OR10H5: variants seen among roughly 807,000 people sequenced by gnomAD.
The protein encoded by OR10H5 is olfactory receptor 10H5.
In OR10H5, 7 loss-of-function variants were observed where a neutral mutation model predicts 12.2. The observed-to-expected ratio is 0.57, with a 90% confidence interval of 0.33 to 1.07. The LOEUF is 1.07. OR10H5 is among the 50% of genes least tolerant of loss of function. OR10H5 has a pLI of 0.04. For synonymous variants in OR10H5, 159 were observed against 175.1 expected (o/e 0.91, Z 0.73); for missense variants, 346 against 411.6 (o/e 0.84, Z 1.38).
chr19:15,794,248 C>G lies in OR10H5; in HGVS notation c.200C>G (p.Ser67Cys). 6.2e-7 allele frequency: 1 copy of G among 1,614,116 alleles called. No individual in the cohort carries two copies. The change falls in exon 2 of 2, where the codon TCC (serine) becomes TGC (cysteine). Residue 67 changes from serine (S) to cysteine (C), a missense_variant. Ser to Cys is a moderately radical substitution (Grantham distance 112). Coordinates refer to ENST00000642092, the MANE Select transcript of OR10H5 (RefSeq NM_001004466.2). ...ATGTACCTCTTCCTGTGTGCCCTCTCCATCACCGAGATCCTCTACACCGTG... is the reference window on the plus strand; with the variant it reads ...ATGTACCTCTTCCTGTGTGCCCTCTGCATCACCGAGATCCTCTACACCGTG... ...MPMYLFLCAL[S>C]ITEILYTVAI...
chr19:15,794,164 T>C lies in OR10H5; in HGVS notation c.116T>C (p.Leu39Pro). 1 of 1,614,178 alleles carries C rather than the reference T, an allele frequency of 6.2e-7. No individual in the cohort carries two copies. Among genetic ancestry groups the C allele is most frequent in the South Asian group, 1.1e-5 (1 of 91,080 alleles). The change falls in exon 2 of 2, where the codon CTG (leucine) becomes CCG (proline). Residue 39 changes from leucine to proline, a missense_variant. Coordinates refer to ENST00000642092, the MANE Select transcript of OR10H5 (RefSeq NM_001004466.2). ...TTCCTGCTGATGTACCTGTTCACGC[T>C]GCTGGGCAACCTGCTCATCATGGCC... ...LLFLLMYLFTLLGNLLIMATV... is the reference protein window; with the variant it reads ...LLFLLMYLFTPLGNLLIMATV...
At chr19:15,791,945 A>G (rs1335344671) in intron 1 of OR10H5, among the ~76,000 whole-genome samples, 1 of 151,992 alleles carries the variant, frequency 6.6e-6, no homozygotes, top group East Asian at 1.9e-4. Context: ...TGCCCGTCTC[A>G]GCCTCCCAAA....
At position 15,796,546 on chromosome 19, in the gene OR10H5, G is replaced by A. The variant is rs1568450163; in HGVS notation, c.*1550G>A. ...GTGACAGGAGGATCACTGGAGTCCA[G>A]GAGTTCAAGACCAGCCTGGGCAACA... On this transcript the variant is annotated 3_prime_UTR_variant, in exon 2 of 2. Transcript: ENST00000642092. 6.6e-6 allele frequency: 1 copy of A among 152,282 alleles called. No individual in the cohort carries two copies. Among genetic ancestry groups the A allele is most frequent in the African/African-American group, 2.4e-5 (1 of 41,542 alleles). The allele number at this position is 152,282 out of a possible 1,614,324, so 9.4% of individuals were successfully genotyped here.
intron 1 of OR10H5, among the ~76,000 whole-genome samples, chr19:15,788,186 G>A (rs1370037678): frequency 6.6e-6 from 1 of 152,146 alleles, no homozygotes; most frequent in African/African-American, 2.4e-5. Context: ...TATTGTAGCT[G>A]CCATTTCAAA....
intron 1 of OR10H5, 94 bp from the exon 2 acceptor site, chr19:15,793,944 A>G: frequency 5.7e-6 from 6 of 1,057,788 alleles, no homozygotes; most frequent in Non-Finnish European, 8.3e-6. Context: ...TGGACAGATG[A>G]AGAAGGCGCT....
intron 1 of OR10H5, among the ~76,000 whole-genome samples, chr19:15,791,564 CA>C: frequency 6.6e-6 from 1 of 152,146 alleles, no homozygotes; most frequent in Middle Eastern, 3.4e-3. Context: ...ATATGAACAA[CA>C]GGGGTGATCT....
At chr19:15,791,079 C>T (rs1489570456) in intron 1 of OR10H5, among the ~76,000 whole-genome samples, 1 of 152,150 alleles carries the variant, frequency 6.6e-6, no homozygotes, top group Non-Finnish European at 1.5e-5. Context: ...GGGATGGTGA[C>T]TCACGCCTGT....
At position 15,799,572 on chromosome 19, in the gene OR10H5, A is replaced by C. The variant is rs773513916; in HGVS notation, c.*4576A>C. The C allele has an allele frequency of 5.9e-5, 9 of 152,174 alleles. No homozygotes were observed. The highest frequency in any genetic ancestry group is 1.2e-4 in the Non-Finnish European group (8 of 68,032). 9.4% of individuals were successfully genotyped at this position (152,174 alleles called of 1,614,324 possible). On this transcript the variant is annotated 3_prime_UTR_variant, in exon 2 of 2. Coordinates refer to ENST00000642092, the MANE Select transcript of OR10H5 (RefSeq NM_001004466.2). ...TGTTTTCTCTGTGTTAGTATCTCACACACAATTCCACTCCAAATACATCCC... is the reference window on the plus strand; with the variant it reads ...TGTTTTCTCTGTGTTAGTATCTCACCCACAATTCCACTCCAAATACATCCC...
Position 15,794,081 on chromosome 19 carries a change from A to G in OR10H5, c.33A>G (p.Glu11=), listed in dbSNP as rs142998354. Residue 11 remains glutamate (E), a synonymous_variant, in exon 2 of 2, where the codon GAA becomes GAG. Coordinates refer to ENST00000642092, the MANE Select transcript of OR10H5 (RefSeq NM_001004466.2). Reference sequence around the variant, plus strand: ...GGCTAAACCACACCTCCGTGTCTGAATTCATCCTCGTTGGCTTCTCTGCCT... The same window carrying G: ...GGCTAAACCACACCTCCGTGTCTGAGTTCATCCTCGTTGGCTTCTCTGCCT... MQGLNHTSVS[E]FILVGFSAFP... 6.2e-7 allele frequency: 1 copy of G among 1,613,730 alleles called. No homozygotes were observed. The highest frequency in any genetic ancestry group is 1.3e-5 in the African/African-American group (1 of 74,938).
At chr19:15,792,186 G>A (rs2088812553) in intron 1 of OR10H5, among the ~76,000 whole-genome samples, 1 of 151,864 alleles carries the variant, frequency 6.6e-6, no homozygotes, top group South Asian at 2.1e-4. Context: ...TCATTTAGTT[G>A]TTATTTCTAT....
At position 15,794,895 on chromosome 19, in the gene OR10H5, A is replaced by C. The variant is rs780357002; in HGVS notation, c.847A>C (p.Thr283Pro). ...TLMGITYTVL[T>P]PFLSPIIFSL... ...GATGGGCATCACCTACACGGTCCTCACACCCTTCCTCAGCCCCATCATCTT... is the reference window on the plus strand; with the variant it reads ...GATGGGCATCACCTACACGGTCCTCCCACCCTTCCTCAGCCCCATCATCTT... Residue 283 changes from threonine (T) to proline (P), a missense_variant, in exon 2 of 2, where the codon ACA becomes CCA. By Grantham distance (38) the Thr-to-Pro change is conservative (BLOSUM62 -1). Transcript: ENST00000642092. 6.2e-7 allele frequency: 1 copy of C among 1,614,032 alleles called. No individual in the cohort carries two copies. The highest frequency in any genetic ancestry group is 8.5e-7 in the Non-Finnish European group (1 of 1,180,004).
chr19:15,791,239 G>A (rs1225509724), intron 1 of OR10H5, among the ~76,000 whole-genome samples: 4 of 152,024 alleles, frequency 2.6e-5, no homozygotes, highest in African/African-American at 7.2e-5. Context: ...CGAGCTACTC[G>A]GGAGGCTGAG....
rs898056016 is a variant in OR10H5, at chr19:15,795,200, TCCTC to T, written c.*219_*222del. ...CTCCTCCTTGCCTTCCTTCCATCCT[TCCTC>T]CCTCCCTCCCTCCCCCTTCCTTCTT... On this transcript the variant is annotated 3_prime_UTR_variant, in exon 2 of 2. Transcript: ENST00000642092. The T allele has an allele frequency of 2.1e-4, 109 of 513,642 alleles. No homozygotes were observed. The highest frequency in any genetic ancestry group is 7.0e-4 in the Admixed American group (19 of 27,332). The allele number at this position is 513,642 out of a possible 1,614,324, so 31.8% of individuals were successfully genotyped here.
intron 1 of OR10H5, among the ~76,000 whole-genome samples, chr19:15,791,288 G>A (rs1441079959): frequency 6.6e-6 from 1 of 152,176 alleles, no homozygotes; most frequent in African/African-American, 2.4e-5. Flanking sequence ...AGAGGTTGCA[G>A]TGAGCCGAGA....
rs2088840636 is a variant in OR10H5, at chr19:15,796,512, G to A, written c.*1516G>A. The stretch of plus-strand genomic sequence containing the variant: ...CCTCACACCTGTAATTCCAAAATTT[G>A]GGGAGGCCGTGACAGGAGGATCACT... On this transcript the variant is annotated 3_prime_UTR_variant, in exon 2 of 2. Transcript: ENST00000642092. The A allele has an allele frequency of 6.6e-6, 1 of 152,122 alleles. No individual in the cohort carries two copies. The highest frequency in any genetic ancestry group is 6.6e-5 in the Admixed American group (1 of 15,266). 9.4% of individuals were successfully genotyped at this position (152,122 alleles called of 1,614,324 possible).
chr19:15,796,981 C>G lies in OR10H5; in HGVS notation c.*1985C>G, dbSNP rs938140744. ...TCTACTAAAAATACAAAAAATTACCCGGGCGTGGTGGCACATGCCTGTAAT... is the reference window on the plus strand; with the variant it reads ...TCTACTAAAAATACAAAAAATTACCGGGGCGTGGTGGCACATGCCTGTAAT... On this transcript the variant is annotated 3_prime_UTR_variant, in exon 2 of 2. Transcript: ENST00000642092. The G allele has an allele frequency of 6.6e-6, 1 of 151,870 alleles. No individual in the cohort carries two copies. The highest frequency in any genetic ancestry group is 1.5e-5 in the Non-Finnish European group (1 of 68,048). 9.4% of individuals were successfully genotyped at this position (151,870 alleles called of 1,614,324 possible). A position where few individuals can be genotyped will look rare whatever the true frequency, so the allele number is the denominator to read the frequency against.
At chr19:15,791,930 T>C (rs974039463) in intron 1 of OR10H5, among the ~76,000 whole-genome samples, 11 of 151,972 alleles carry the variant, frequency 7.2e-5, no homozygotes, top group African/African-American at 2.7e-4. Flanking sequence ...CCTAACTTCA[T>C]GATCTGCCCG....
At chr19:15,790,067 G>A (rs945246360) in intron 1 of OR10H5, among the ~76,000 whole-genome samples, 4 of 152,184 alleles carry the variant, frequency 2.6e-5, no homozygotes, top group African/African-American at 9.7e-5. Flanking sequence ...GATTATAGGT[G>A]TGAGCCACTG....
In OR10H5 at chr19:15,794,848, A is replaced by G; in HGVS notation, c.800A>G (p.Gln267Arg). ...SVIYLKPKGP[Q>R]SPEGDTLMGI... The stretch of plus-strand genomic sequence containing the variant: ...ATTTACCTGAAGCCCAAAGGTCCCC[A>G]GTCTCCGGAAGGAGACACCTTGATG... Residue 267 changes from glutamine (Q) to arginine (R), a missense_variant, in exon 2 of 2, where the codon CAG (glutamine) becomes CGG (arginine). Physicochemically the swap from Gln to Arg is conservative, Grantham distance 43 (BLOSUM62 1). Transcript: ENST00000642092. 2 of 1,614,142 alleles carry G rather than the reference A, an allele frequency of 1.2e-6. No homozygotes were observed. Among genetic ancestry groups the G allele is most frequent in the South Asian group, 1.1e-5 (1 of 91,078 alleles).
Sources: allele counts gnomAD v4.1 joint callset (sites outside exome capture counted in the v4.1 genomes callset), GRCh38; gene constraint gnomAD v4.1.1; transcripts MANE v1.5; gene names NCBI Gene and HGNC (gene_info 2026-07-23, HGNC 2026-07-21).